Variants in TLE4 observed in about 807,000 individuals in gnomAD.
The protein encoded by TLE4 is TLE family member 4, transcriptional corepressor, also known as transducin-like enhancer protein 4.
Under a neutral mutation model 92.8 loss-of-function variants are expected in TLE4, and 8 were observed. That is an observed-to-expected ratio of 0.09 (90% confidence interval 0.05 to 0.16). The LOEUF (loss-of-function observed/expected upper bound fraction) is 0.16, where lower values mean the gene tolerates loss of function less well. Ranked by LOEUF, TLE4 falls within the 10% of genes least tolerant of loss-of-function variation. TLE4 has a pLI of 1.00. For synonymous variants in TLE4, 371 were observed against 374.1 expected, an observed-to-expected ratio of 0.99 and a Z score of 0.10; for missense variants, 675 against 997.6, an observed-to-expected ratio of 0.68 and a Z score of 4.36.
At chr9:79,682,614 G>A (rs1478936506) in intron 8 of TLE4, among the ~76,000 whole-genome samples, 1 of 152,172 alleles carries the variant, frequency 6.6e-6, no homozygotes, top group Admixed American at 6.6e-5. Context: ...TTCCAAACCA[G>A]TCAGCCAGCA....
At chr9:79,724,273 T>C (rs866847210) in intron 19 of TLE4, among the ~76,000 whole-genome samples, 17 of 152,030 alleles carry the variant, frequency 1.1e-4, no homozygotes, top group Non-Finnish European at 1.6e-4. Context: ...GTCTACCTGT[T>C]TGCTATTGTA....
At chr9:79,675,046 G>T (rs983095813) in intron 8 of TLE4, among the ~76,000 whole-genome samples, 1 of 151,830 alleles carries the variant, frequency 6.6e-6, no homozygotes, top group Non-Finnish European at 1.5e-5. Flanking sequence ...TGTTTGGTTG[G>T]TTTTTTTTAT....
intron 8 of TLE4, among the ~76,000 whole-genome samples, chr9:79,703,472 C>T (rs891351471): frequency 1.3e-5 from 2 of 152,224 alleles, no homozygotes; most frequent in East Asian, 3.8e-4. Context: ...TTTTCATTGG[C>T]ACTTTTTTCA....
chr9:79,666,643 T>C (rs2061455780), intron 8 of TLE4, among the ~76,000 whole-genome samples: 1 of 152,384 alleles, frequency 6.6e-6, no homozygotes, highest in African/African-American at 2.4e-5. Context: ...TTTTCTACTC[T>C]TACTGTGTTT....
In TLE4 at chr9:79,726,856, A is replaced by C. The variant is rs1246085445; in HGVS notation, c.*1712A>C. 6.6e-6 allele frequency: 1 copy of C among 152,430 alleles called. No homozygotes were observed. The highest frequency in any genetic ancestry group is 2.4e-5 in the African/African-American group (1 of 41,428). 9.4% of individuals were successfully genotyped at this position (152,430 alleles called of 1,614,324 possible). The stretch of plus-strand genomic sequence containing the variant: ...TTTTTTCAAGGGAGATTGTTGTTAA[A>C]GTAAAGTGGTTTTTTTTGTTGTTAA... On this transcript the variant is annotated 3_prime_UTR_variant, in exon 20 of 20. Coordinates refer to ENST00000376552, the MANE Select transcript of TLE4 (RefSeq NM_007005.6).
intron 8 of TLE4, among the ~76,000 whole-genome samples, chr9:79,692,293 CTT>C (rs1266856643): frequency 1.3e-5 from 2 of 151,924 alleles, no homozygotes; most frequent in African/African-American, 4.8e-5. Context: ...GATACCCAGA[CTT>C]TGGAATGTGC....
intron 6 of TLE4, among the ~76,000 whole-genome samples, chr9:79,629,811 G>T (rs2053703786): frequency 6.6e-6 from 1 of 152,184 alleles, no homozygotes; most frequent in Non-Finnish European, 1.5e-5. Context: ...TTGCTGCTGA[G>T]GTTCTCTTTG....
intron 8 of TLE4, among the ~76,000 whole-genome samples, chr9:79,696,192 G>T (rs979658754): frequency 6.6e-6 from 1 of 152,108 alleles, no homozygotes; most frequent in African/African-American, 2.4e-5. Flanking sequence ...ATTAATATGT[G>T]TATTGACATG....
chr9:79,691,420 T>C (rs2135532922), intron 8 of TLE4, among the ~76,000 whole-genome samples: 1 of 152,326 alleles, frequency 6.6e-6, no homozygotes, highest in African/African-American at 2.4e-5. Context: ...TCTGTTCTTA[T>C]GGGCTTTAAA....
chr9:79,614,471 A>G (rs2049043733), intron 5 of TLE4, among the ~76,000 whole-genome samples: 1 of 152,166 alleles, frequency 6.6e-6, no homozygotes, highest in Non-Finnish European at 1.5e-5. Context: ...AACAGAATGT[A>G]TAATGGTAGT....
chr9:79,687,337 C>T (rs1041515447), intron 8 of TLE4, among the ~76,000 whole-genome samples: 3 of 152,210 alleles, frequency 2.0e-5, no homozygotes, highest in Non-Finnish European at 4.4e-5. Flanking sequence ...GTAGCATCTA[C>T]ATCCTGTGTG....
intron 6 of TLE4, among the ~76,000 whole-genome samples, chr9:79,648,859 A>G (rs1458829180): frequency 3.9e-5 from 6 of 152,192 alleles, no homozygotes; most frequent in African/African-American, 9.7e-5. Context: ...AAAAGTTAGA[A>G]TGGGGGTGTC....
intron 4 of TLE4, among the ~76,000 whole-genome samples, chr9:79,581,861 G>C (rs2039768139): frequency 6.6e-6 from 1 of 152,138 alleles, no homozygotes; most frequent in African/African-American, 2.4e-5. Flanking sequence ...CAACTGCCTA[G>C]AGTCCATGGA....
chr9:79,721,709 C>G (rs752366716), intron 16 of TLE4, 32 bp from the exon 17 acceptor site: 2 of 1,613,552 alleles, frequency 1.2e-6, no homozygotes, highest in Non-Finnish European at 1.7e-6. Flanking sequence ...GCTAACTTTT[C>G]AAGGGCTTTC....
At chr9:79,724,519 C>T (rs1051644939) in intron 19 of TLE4, among the ~76,000 whole-genome samples, 28 of 151,990 alleles carry the variant, frequency 1.8e-4, no homozygotes, top group African/African-American at 5.8e-4. Context: ...GGTGAGGTGT[C>T]GCCAAGGGTG....
At chr9:79,682,333 G>A (rs965809806) in intron 8 of TLE4, among the ~76,000 whole-genome samples, 19 of 152,216 alleles carry the variant, frequency 1.2e-4, no homozygotes, top group East Asian at 3.9e-4. Context: ...CCCTGTTAGA[G>A]TATATGCATC....
chr9:79,710,613 T>A (rs2073026449), intron 14 of TLE4, among the ~76,000 whole-genome samples: 1 of 152,196 alleles, frequency 6.6e-6, no homozygotes, highest in Non-Finnish European at 1.5e-5. Context: ...CTTGCCTGCC[T>A]TGAGGTATTT....
intron 4 of TLE4, among the ~76,000 whole-genome samples, chr9:79,578,942 C>CAAAA (rs11322127): frequency 9.9e-6 from 1 of 101,286 alleles, no homozygotes; most frequent in African/African-American, 3.5e-5. Context: ...GCAGATGAAG[C>CAAAA]AAAAAAAAAA....
At chr9:79,576,774 TG>T in intron 4 of TLE4, 2 of 151,202 alleles carry the variant, frequency 1.3e-5, no homozygotes, top group South Asian at 4.2e-4. Flanking sequence ...GGTTCAACAT[TG>T]GGTCTTGAAA....
Sources: gnomAD v4.1 joint callset for allele counts (sites outside exome capture counted in the v4.1 genomes callset) on GRCh38, gnomAD v4.1.1 for gene constraint, MANE v1.5 for transcripts, NCBI Gene and HGNC (gene_info 2026-07-23, HGNC 2026-07-21) for gene names.